Variants in MAPK14 observed in about 807,000 individuals in gnomAD.
MAPK14 encodes the protein mitogen-activated protein kinase 14.
In MAPK14, 16 loss-of-function variants were observed where a neutral mutation model predicts 49.6. The observed-to-expected ratio is 0.32, with a 90% confidence interval of 0.22 to 0.49. The LOEUF is 0.49. Among genes scored for constraint, MAPK14 ranks in the 20% least tolerant of loss-of-function variants. MAPK14 has a pLI of 0.99. For missense variants in MAPK14, 200 were observed against 441.2 expected (o/e 0.45, Z 4.90); for synonymous variants, 142 against 158.0 (o/e 0.90, Z 0.76).
chr6:36,029,424 G>A (rs1207338505), intron 1 of MAPK14, among the ~76,000 whole-genome samples: 1 of 152,098 alleles, frequency 6.6e-6, no homozygotes. Flanking sequence ...TAACTTCCAA[G>A]GTTTTATACC....
At chr6:36,112,558 T>A (rs1004389968), downstream of MAPK14, among the ~76,000 whole-genome samples, 5 of 152,266 alleles carry the variant, frequency 3.3e-5, no homozygotes, top group Admixed American at 3.3e-4. Flanking sequence ...TTTTCTCATT[T>A]GATTTTTGCA....
At chr6:36,052,420 T>C (rs1003576946) in intron 1 of MAPK14, among the ~76,000 whole-genome samples, 1 of 152,248 alleles carries the variant, frequency 6.6e-6, no homozygotes, top group African/African-American at 2.4e-5. Flanking sequence ...ACAGAGGTCT[T>C]ACTTACAAAG....
intron 8 of MAPK14, among the ~76,000 whole-genome samples, chr6:36,077,551 C>T (rs988250271): frequency 6.6e-6 from 1 of 152,012 alleles, no homozygotes; most frequent in Admixed American, 6.6e-5. Flanking sequence ...CACTTGCTTA[C>T]AGTTTGGGAT....
intron 8 of MAPK14, among the ~76,000 whole-genome samples, chr6:36,091,394 T>C (rs908846851): frequency 6.6e-6 from 1 of 152,240 alleles, no homozygotes; most frequent in Admixed American, 6.5e-5. Flanking sequence ...ATTTTGACGT[T>C]GTGATCATTA....
chr6:36,091,056 C>G (rs946088498), intron 8 of MAPK14, among the ~76,000 whole-genome samples: 1 of 152,212 alleles, frequency 6.6e-6, no homozygotes, highest in African/African-American at 2.4e-5. Flanking sequence ...TAGTGCTCCA[C>G]TTCACCCCTA....
At chr6:36,052,238 C>T (rs556558899) in intron 1 of MAPK14, among the ~76,000 whole-genome samples, 6 of 152,282 alleles carry the variant, frequency 3.9e-5, no homozygotes, top group Non-Finnish European at 7.3e-5. Flanking sequence ...AAGGTGACGA[C>T]AGTGAGGCCT....
chr6:36,115,740 A>G (rs187371100), downstream of MAPK14, among the ~76,000 whole-genome samples: 7 of 152,228 alleles, frequency 4.6e-5, no homozygotes, highest in African/African-American at 1.7e-4. Flanking sequence ...GTGAAACCCC[A>G]TCTCTACTAA....
chr6:36,060,491 A>T (rs1763773851), intron 3 of MAPK14, among the ~76,000 whole-genome samples: 3 of 152,230 alleles, frequency 2.0e-5, no homozygotes, highest in Admixed American at 2.0e-4. Flanking sequence ...GCATTCCTAA[A>T]TGGAGAGTGT....
chr6:36,119,737 G>A, the MAPK14 span, among the ~76,000 whole-genome samples: 2 of 152,114 alleles, frequency 1.3e-5, no homozygotes, highest in African/African-American at 4.8e-5. Flanking sequence ...GGCCAGGGAT[G>A]CTGCTGAACA....
In MAPK14 at chr6:36,109,689, A is replaced by G. The variant is rs199745760; in HGVS notation, c.*1242A>G. ...TGAGGAATTATCATGGGAAAAGACC[A>G]GGGCTTTTCCCAGGAATATCCCAAA... On this transcript the variant is annotated 3_prime_UTR_variant, in exon 12 of 12. Transcript: ENST00000229794. The G allele has an allele frequency of 6.6e-6, 1 of 152,632 alleles. No homozygotes were observed. Among genetic ancestry groups the G allele is most frequent in the African/African-American group, 2.4e-5 (1 of 41,460 alleles). 9.5% of individuals were successfully genotyped at this position (152,632 alleles called of 1,614,324 possible). A position where few individuals can be genotyped will look rare whatever the true frequency, so the allele number is the denominator to read the frequency against.
chr6:36,075,225 CAAAAAAA>C (rs70975130), intron 6 of MAPK14, among the ~76,000 whole-genome samples: 1 of 62,940 alleles, frequency 1.6e-5, no homozygotes, highest in Non-Finnish European at 2.8e-5. Flanking sequence ...GACTCCGTCT[CAAAAAAA>C]AAAAAAAAAA....
intron 4 of MAPK14, 126 bp from the exon 5 acceptor site, chr6:36,073,565 T>C (rs1478935208): frequency 4.2e-6 from 3 of 713,852 alleles, no homozygotes; most frequent in Non-Finnish European, 4.8e-6. Context: ...TAGTTACTTA[T>C]GCTGATTTCT....
At chr6:36,080,585 C>T (rs536645089) in intron 8 of MAPK14, among the ~76,000 whole-genome samples, 1 of 152,172 alleles carries the variant, frequency 6.6e-6, no homozygotes, top group South Asian at 2.1e-4. Flanking sequence ...TTTTGTTGAC[C>T]TGTTCATCTG....
chr6:36,121,813 C>A, the MAPK14 span, among the ~76,000 whole-genome samples: 2 of 152,200 alleles, frequency 1.3e-5, no homozygotes, highest in African/African-American at 4.8e-5. Context: ...GGTCTTCACT[C>A]CCAGCTCTAG....
At chr6:36,071,926 C>T (rs964985844) in intron 3 of MAPK14, among the ~76,000 whole-genome samples, 2 of 152,112 alleles carry the variant, frequency 1.3e-5, no homozygotes, top group African/African-American at 4.8e-5. Flanking sequence ...GCTGATCTCA[C>T]ACTCCTGCCT....
chr6:36,058,028 A>T (rs1048791259), intron 2 of MAPK14, among the ~76,000 whole-genome samples: 2 of 152,222 alleles, frequency 1.3e-5, no homozygotes, highest in African/African-American at 4.8e-5. Flanking sequence ...AGGGTGCTGT[A>T]TGTGGATAAA....
chr6:36,101,244 A>G (rs1351295108), intron 9 of MAPK14, among the ~76,000 whole-genome samples: 1 of 152,134 alleles, frequency 6.6e-6, no homozygotes, highest in Non-Finnish European at 1.5e-5. Context: ...GTTTGAGACC[A>G]TCCTGGGCAA....
At chr6:36,036,067 T>C (rs1185922629) in intron 1 of MAPK14, among the ~76,000 whole-genome samples, 2 of 151,864 alleles carry the variant, frequency 1.3e-5, no homozygotes, top group South Asian at 2.1e-4. Context: ...CTAGAAAAAA[T>C]ACAAAAATTT....
the MAPK14 span, among the ~76,000 whole-genome samples, chr6:36,120,737 A>G: frequency 3.9e-5 from 6 of 152,306 alleles, no homozygotes; most frequent in South Asian, 8.3e-4. Context: ...CCTGCCGACG[A>G]CAGTGTTGTC....
Sources: allele counts gnomAD v4.1 joint callset (sites outside exome capture counted in the v4.1 genomes callset), GRCh38; gene constraint gnomAD v4.1.1; transcripts MANE v1.5; gene names NCBI Gene and HGNC (gene_info 2026-07-23, HGNC 2026-07-21).